Variants in DNM3 observed in about 807,000 individuals in gnomAD.
The protein encoded by DNM3 is dynamin-3.
Under a neutral mutation model 101.6 loss-of-function variants are expected in DNM3, and 47 were observed. The observed-to-expected ratio is 0.46, with a 90% CI of 0.37 to 0.59. The LOEUF (loss-of-function observed/expected upper bound fraction) is 0.59, where lower values mean the gene tolerates loss of function less well. DNM3 is among the 20% of genes least tolerant of loss of function. DNM3 has a pLI of 0.00. For synonymous variants in DNM3, 385 were observed against 387.9 expected, an observed-to-expected ratio of 0.99 and a Z score of 0.09; for missense variants, 849 against 1,085.7, an observed-to-expected ratio of 0.78 and a Z score of 3.06.
chr1:172,057,277 A>G (rs947378909), intron 10 of DNM3, among the ~76,000 whole-genome samples: 1 of 152,242 alleles, frequency 6.6e-6, no homozygotes, highest in African/African-American at 2.4e-5. Context: ...TCTGCAAGAT[A>G]TTATCCAGGA....
At chr1:172,373,580 A>C (rs1306972344) in intron 17 of DNM3, among the ~76,000 whole-genome samples, 2 of 152,090 alleles carry the variant, frequency 1.3e-5, no homozygotes. Flanking sequence ...ATGCAGCCAT[A>C]GTTGTTGATC....
chr1:172,386,414 C>T (rs1227952248), intron 18 of DNM3, among the ~76,000 whole-genome samples: 2 of 152,152 alleles, frequency 1.3e-5, no homozygotes, highest in African/African-American at 2.4e-5. Context: ...AATGCCCCTC[C>T]CCCTGAGACT....
In DNM3 at chr1:172,388,759, C is replaced by T. The variant is rs772530845; in HGVS notation, c.2472C>T (p.Ala824=). The part of the protein sequence containing the change: ...PFPSSSDSFG[A]PPQVPSRPTR... ...CCAGCAGCAGTGACTCCTTCGGAGC[C>T]CCTCCACAAGTTCCATCTAGGCCTA... The change falls in exon 20 of 21, where the codon GCC becomes GCT. Residue 824 remains alanine (A), a synonymous_variant. Coordinates refer to ENST00000627582, the MANE Select transcript of DNM3 (RefSeq NM_015569.5). 1.9e-6 allele frequency: 3 copies of T among 1,609,364 alleles called. No homozygotes were observed. Among genetic ancestry groups the T allele is most frequent in the East Asian group, 2.2e-5 (1 of 44,574 alleles).
At chr1:172,170,111 A>G (rs767629612) in intron 14 of DNM3, among the ~76,000 whole-genome samples, 8 of 151,972 alleles carry the variant, frequency 5.3e-5, no homozygotes, top group African/African-American at 1.2e-4. Context: ...AGGATTAGGC[A>G]GTAGAAGAAT....
At chr1:172,219,519 A>G (rs2060830985) in intron 14 of DNM3, among the ~76,000 whole-genome samples, 1 of 152,008 alleles carries the variant, frequency 6.6e-6, no homozygotes, top group Non-Finnish European at 1.5e-5. Context: ...AGTGACTACT[A>G]TTTTCCAGCT....
At position 172,359,125 on chromosome 1, in the gene DNM3, A is replaced by AACACACAT. The variant is rs1553244162; in HGVS notation, c.1894-19886_1894-19885insTACACACA. 2.7e-5 allele frequency among the ~76,000 whole-genome samples: 4 copies of AACACACAT among 145,704 alleles called. No individual in the cohort carries two copies. In the Admixed American group the frequency reaches 2.8e-4, roughly 10 times the overall value. ...ATGGGCATCTGAACAACTCCCACAA[A>AACACACAT]ACACACACACACACACACACACACA... is the stretch of plus-strand genomic sequence containing the variant. On this transcript the variant is annotated intron_variant, in intron 17 of 20. Coordinates refer to ENST00000627582, the MANE Select transcript of DNM3 (RefSeq NM_015569.5).
chr1:172,001,861 T>C (rs187186027), intron 4 of DNM3, among the ~76,000 whole-genome samples: 26 of 152,072 alleles, frequency 1.7e-4, no homozygotes, highest in African/African-American at 6.3e-4. Flanking sequence ...CTGGAAAATG[T>C]TAAAAATCCA....
intron 14 of DNM3, among the ~76,000 whole-genome samples, chr1:172,188,652 G>C (rs909104294): frequency 1.3e-5 from 2 of 152,042 alleles, no homozygotes; most frequent in African/African-American, 4.8e-5. Context: ...ATATGCATGT[G>C]TTTGTGTGAA....
At chr1:171,854,004 C>T (rs1222334534) in intron 1 of DNM3, among the ~76,000 whole-genome samples, 1 of 152,170 alleles carries the variant, frequency 6.6e-6, no homozygotes, top group Admixed American at 6.5e-5. Flanking sequence ...ACATGAATAG[C>T]TTGAGTAGAG....
intron 14 of DNM3, among the ~76,000 whole-genome samples, chr1:172,187,194 C>A (rs1461053897): frequency 4.6e-5 from 7 of 152,002 alleles, no homozygotes; most frequent in Non-Finnish European, 8.8e-5. Flanking sequence ...CTGCCTTTTC[C>A]CACCAGCAGT....
chr1:171,937,974 A>G (rs1439062501), intron 2 of DNM3, among the ~76,000 whole-genome samples: 1 of 151,994 alleles, frequency 6.6e-6, no homozygotes, highest in Non-Finnish European at 1.5e-5. Context: ...AGTTTCATCA[A>G]ATTCTCTCAC....
intron 14 of DNM3, among the ~76,000 whole-genome samples, chr1:172,202,824 G>A (rs1469946840): frequency 6.6e-6 from 1 of 152,178 alleles, no homozygotes; most frequent in African/African-American, 2.4e-5. Context: ...GCATTTTAAT[G>A]TTGGACTGTA....
At chr1:172,148,368 A>G (rs2058000365) in intron 14 of DNM3, among the ~76,000 whole-genome samples, 2 of 151,294 alleles carry the variant, frequency 1.3e-5, no homozygotes, top group South Asian at 4.2e-4. Context: ...AAAGAGCTAT[A>G]TGGTATGCAT....
intron 14 of DNM3, among the ~76,000 whole-genome samples, chr1:172,246,138 C>T (rs554935303): frequency 1.3e-5 from 2 of 152,244 alleles, no homozygotes; most frequent in African/African-American, 2.4e-5. Context: ...GGGAAATCCA[C>T]CCCCATGATC....
Position 172,408,119 on chromosome 1 carries a change from A to G in DNM3, c.*278A>G, listed in dbSNP as rs542686488. On this transcript the variant is annotated 3_prime_UTR_variant, in exon 21 of 21. Coordinates refer to ENST00000627582, the MANE Select transcript of DNM3 (RefSeq NM_015569.5). ...ATACTTTGGGGATCATTTGCCTACCATGGCATATATTTGAAATTGCTTTGG... is the reference window on the plus strand; with the variant it reads ...ATACTTTGGGGATCATTTGCCTACCGTGGCATATATTTGAAATTGCTTTGG... The G allele has an allele frequency of 4.2e-5, 51 of 1,219,298 alleles. No individual in the cohort carries two copies. In the East Asian group the frequency reaches 1.7e-3, roughly 41 times the overall value. The allele number at this position is 1,219,298 out of a possible 1,614,324, so 75.5% of individuals were successfully genotyped here. A position where few individuals can be genotyped will look rare whatever the true frequency, so the allele number is the denominator to read the frequency against.
intron 14 of DNM3, among the ~76,000 whole-genome samples, chr1:172,207,291 T>C (rs1302821642): frequency 6.6e-6 from 1 of 152,134 alleles, no homozygotes; most frequent in Non-Finnish European, 1.5e-5. Flanking sequence ...AAAAAGCTAC[T>C]GTTCAATAAG....
At chr1:172,283,801 C>G (rs1182919196) in intron 15 of DNM3, among the ~76,000 whole-genome samples, 1 of 130,152 alleles carries the variant, frequency 7.7e-6, no homozygotes, top group African/African-American at 2.9e-5. Context: ...AGAAAGAAAA[C>G]CAAGTCAATG....
At chr1:172,312,390 A>T (rs1029320827) in intron 16 of DNM3, among the ~76,000 whole-genome samples, 1 of 152,232 alleles carries the variant, frequency 6.6e-6, no homozygotes, top group Admixed American at 6.5e-5. Context: ...GATCATTTTT[A>T]AAAATTGTGT....
chr1:172,091,406 G>A (rs1299586805), intron 12 of DNM3, among the ~76,000 whole-genome samples: 1 of 152,218 alleles, frequency 6.6e-6, no homozygotes, highest in Non-Finnish European at 1.5e-5. Flanking sequence ...CTTGGAGGAA[G>A]GGAGGGATGC....
Sources: gnomAD v4.1 joint callset for allele counts (sites outside exome capture counted in the v4.1 genomes callset) on GRCh38, gnomAD v4.1.1 for gene constraint, MANE v1.5 for transcripts, NCBI Gene and HGNC (gene_info 2026-07-23, HGNC 2026-07-21) for gene names.